UBE2B: variants seen among roughly 807,000 people sequenced by gnomAD.
UBE2B encodes the protein ubiquitin-conjugating enzyme E2 B.
Under a neutral mutation model 24.6 loss-of-function variants are expected in UBE2B, and 11 were observed. That is an observed-to-expected ratio of 0.45 (90% CI 0.28 to 0.74). The LOEUF is 0.74. UBE2B is among the 30% of genes least tolerant of loss of function. The pLI, the probability that UBE2B is intolerant of heterozygous loss-of-function variation, is 0.13. For missense variants in UBE2B, 78 were observed against 185.6 expected (o/e 0.42, Z 3.37); for synonymous variants, 68 against 62.4 (o/e 1.09, Z -0.42).
chr5:134,381,102 G>A (rs1758701590), intron 4 of UBE2B, among the ~76,000 whole-genome samples: 1 of 151,856 alleles, frequency 6.6e-6, no homozygotes. Flanking sequence ...GAGTAGCTGG[G>A]ACTACAGGCG....
chr5:134,386,802 CTT>C (rs1374790528), intron 4 of UBE2B, among the ~76,000 whole-genome samples: 3 of 151,790 alleles, frequency 2.0e-5, no homozygotes, highest in African/African-American at 4.8e-5. Flanking sequence ...TAATTAAAAA[CTT>C]ATTTTTAAGG....
chr5:134,389,401 C>G (rs1034952473), intron 5 of UBE2B, among the ~76,000 whole-genome samples: 4 of 152,142 alleles, frequency 2.6e-5, no homozygotes, highest in African/African-American at 9.7e-5. Flanking sequence ...TAGAGTTTAA[C>G]CTTGGAAAAT....
intron 1 of UBE2B, among the ~76,000 whole-genome samples, chr5:134,373,435 C>CT (rs1284801131): frequency 2.0e-5 from 3 of 151,426 alleles, no homozygotes; most frequent in Admixed American, 1.3e-4. Context: ...AGGTTTTAAA[C>CT]TTTTTTTGGT....
chr5:134,387,210 G>A (rs1174052984), intron 4 of UBE2B, among the ~76,000 whole-genome samples: 3 of 151,928 alleles, frequency 2.0e-5, no homozygotes, highest in Non-Finnish European at 2.9e-5. Flanking sequence ...CACCCGCCTC[G>A]GCCTCCCAAA....
At chr5:134,371,902 C>T (rs901960944) in intron 1 of UBE2B, among the ~76,000 whole-genome samples, 1 of 152,194 alleles carries the variant, frequency 6.6e-6, no homozygotes, top group Non-Finnish European at 1.5e-5. Context: ...TCCCTGCTGC[C>T]CATTTCGGCC....
At chr5:134,378,624 G>T (rs752628935) in intron 3 of UBE2B, among the ~76,000 whole-genome samples, 1 of 152,170 alleles carries the variant, frequency 6.6e-6, no homozygotes, top group Non-Finnish European at 1.5e-5. Flanking sequence ...GCATGTCATA[G>T]TATGATAGTT....
chr5:134,371,785 G>T, intron 1 of UBE2B, 146 bp downstream of exon 1: 1 of 1,240,926 alleles, frequency 8.1e-7, no homozygotes, highest in East Asian at 2.5e-5. Context: ...CCTAGCCTCG[G>T]CCCTACTCCC....
At chr5:134,374,640 T>G in intron 2 of UBE2B, 177 bp downstream of exon 2, 1 of 672,068 alleles carries the variant, frequency 1.5e-6, no homozygotes, top group Non-Finnish European at 2.5e-6. Context: ...AGCACAGTAG[T>G]AGCTCAACGC....
intron 3 of UBE2B, among the ~76,000 whole-genome samples, chr5:134,377,354 C>T (rs897794620): frequency 1.3e-5 from 2 of 152,050 alleles, no homozygotes; most frequent in Admixed American, 6.6e-5. Flanking sequence ...AAATATTTAT[C>T]CGAGAATACT....
At chr5:134,381,711 A>G (rs538027170) in intron 4 of UBE2B, among the ~76,000 whole-genome samples, 22 of 152,324 alleles carry the variant, frequency 1.4e-4, no homozygotes, top group Admixed American at 1.3e-3. Flanking sequence ...TGGGAGGCCA[A>G]GGTGGGCGGA....
At chr5:134,376,779 C>A in intron 3 of UBE2B, 85 bp downstream of exon 3, 1 of 1,354,060 alleles carries the variant, frequency 7.4e-7, no homozygotes, top group South Asian at 1.4e-5. Context: ...CTACTTGAAG[C>A]CATTTTCTAT....
chr5:134,390,406 T>C lies in UBE2B; in HGVS notation c.*53T>C. ...ATCATTGTTGTGTATAATTTACCTC[T>C]CATTAGAAAGGCTAACAAATTTTAA... On this transcript the variant is annotated 3_prime_UTR_variant, in exon 6 of 6. Coordinates refer to ENST00000265339, the MANE Select transcript of UBE2B (RefSeq NM_003337.4). This position sits in a 1 kb window ranked among gnomAD's most constrained non-coding sequence, Gnocchi z 4.6. 1 of 1,609,358 alleles carries C rather than the reference T, an allele frequency of 6.2e-7. No homozygotes were observed. Among genetic ancestry groups the C allele is most frequent in the Admixed American group, 1.7e-5 (1 of 59,826 alleles).
chr5:134,388,228 T>C, intron 4 of UBE2B, 97 bp from the exon 5 acceptor site: 1 of 1,034,808 alleles, frequency 9.7e-7, no homozygotes, highest in Non-Finnish European at 1.5e-6. Context: ...TTACCTAATA[T>C]TTAAAACTTC....
Position 134,371,726 on chromosome 5 carries a change from A to G in UBE2B, c.44+87A>G, listed in dbSNP as rs1758432151. 3.8e-5 allele frequency: 60 copies of G among 1,575,796 alleles called. 1 individual carries two copies. The South Asian group carries it at 6.6e-4, about 17-fold the overall frequency. Reference sequence around the variant, plus strand: ...GATCCCAGACACCTTCCCCTTTGTGACCCTCAGAGGGCCGGCTGTGGGCCC... The same window carrying G: ...GATCCCAGACACCTTCCCCTTTGTGGCCCTCAGAGGGCCGGCTGTGGGCCC... On this transcript the variant is annotated intron_variant, in intron 1 of 5. Coordinates refer to ENST00000265339, the MANE Select transcript of UBE2B (RefSeq NM_003337.4).
intron 4 of UBE2B, 107 bp downstream of exon 4, chr5:134,380,915 G>T: frequency 2.9e-5 from 15 of 513,686 alleles, no homozygotes; most frequent in South Asian, 6.2e-5. Flanking sequence ...ACTTGTAGGT[G>T]TTGCTTCCAT....
In UBE2B at chr5:134,390,883, T is replaced by C. The variant is rs1403949836; in HGVS notation, c.*530T>C. On this transcript the variant is annotated 3_prime_UTR_variant, in exon 6 of 6. Transcript: ENST00000265339. This position sits in a 1 kb window ranked among gnomAD's most constrained non-coding sequence, Gnocchi z 4.6. ...TTACAATTTCAAAAGAACATTCTTA[T>C]ATTTTATCAAGGAAGTCTTCAAATT... 6.5e-6 allele frequency: 1 copy of C among 154,898 alleles called. No individual in the cohort carries two copies. The highest frequency in any genetic ancestry group is 2.4e-5 in the African/African-American group (1 of 41,468). 9.6% of individuals were successfully genotyped at this position (154,898 alleles called of 1,614,324 possible). A position where few individuals can be genotyped will look rare whatever the true frequency, so the allele number is the denominator to read the frequency against.
chr5:134,388,953 T>TTTTTG (rs1758855796), intron 5 of UBE2B: 1 of 343,448 alleles, frequency 2.9e-6, no homozygotes, highest in African/African-American at 2.4e-5. Flanking sequence ...ATTGTTTTTT[T>TTTTTG]TTTTTTTTTT....
chr5:134,383,296 TTCTTAAAAA>T (rs1387210059), intron 4 of UBE2B, among the ~76,000 whole-genome samples: 2 of 152,150 alleles, frequency 1.3e-5, no homozygotes, highest in East Asian at 1.9e-4. Flanking sequence ...ACTTTGAACA[TTCTTAAAAA>T]TCTTAAAAAT....
chr5:134,371,751 C>T (rs983738522), intron 1 of UBE2B, 112 bp downstream of exon 1: 1 of 1,498,336 alleles, frequency 6.7e-7, no homozygotes, highest in African/African-American at 1.4e-5. Flanking sequence ...GCTGTGGGCC[C>T]AGCGGGACTG....
Sources: gnomAD v4.1 joint callset for allele counts (sites outside exome capture counted in the v4.1 genomes callset) on GRCh38, gnomAD v4.1.1 for gene constraint, Gnocchi (gnomAD v3.1) non-coding constraint, MANE v1.5 for transcripts, NCBI Gene and HGNC (gene_info 2026-07-23, HGNC 2026-07-21) for gene names.